Variants in PTPRU observed in about 807,000 individuals in gnomAD.
PTPRU encodes the protein receptor-type tyrosine-protein phosphatase U.
In PTPRU, 69 loss-of-function variants were observed where a neutral mutation model predicts 166.3. That is an observed-to-expected ratio of 0.41 (90% confidence interval 0.34 to 0.51). The LOEUF (loss-of-function observed/expected upper bound fraction) is 0.51, where lower values mean the gene tolerates loss of function less well. Among genes scored for constraint, PTPRU ranks in the 20% least tolerant of loss-of-function variants. The pLI, the probability that PTPRU is intolerant of heterozygous loss-of-function variation, is 0.09. For missense variants in PTPRU, 1,657 were observed against 2,013.7 expected, an observed-to-expected ratio of 0.82 and a Z score of 3.39; for synonymous variants, 793 against 814.0, an observed-to-expected ratio of 0.97 and a Z score of 0.44.
intron 18 of PTPRU, among the ~76,000 whole-genome samples, chr1:29,308,862 C>T (rs1169712690): frequency 6.6e-6 from 1 of 151,886 alleles, no homozygotes; most frequent in African/African-American, 2.4e-5. Flanking sequence ...TTTCTACAAA[C>T]AAACCAACAA....
chr1:29,241,432 G>A (rs1228228691), intron 1 of PTPRU, among the ~76,000 whole-genome samples: 1 of 152,036 alleles, frequency 6.6e-6, no homozygotes, highest in Non-Finnish European at 1.5e-5. Flanking sequence ...GGCTGGCCAG[G>A]TGCCTGAGTG....
chr1:29,301,261 G>A (rs1687119935), intron 15 of PTPRU, among the ~76,000 whole-genome samples: 1 of 152,178 alleles, frequency 6.6e-6, no homozygotes. Context: ...GTATACCATG[G>A]TGGTCCTATA....
chr1:29,316,097 G>T lies in PTPRU; in HGVS notation c.3459G>T (p.Glu1153Asp). 6.2e-7 allele frequency: 1 copy of T among 1,614,204 alleles called. No individual in the cohort carries two copies. Among genetic ancestry groups the T allele is most frequent in the Non-Finnish European group, 8.5e-7 (1 of 1,180,032 alleles). Reference protein sequence around the residue: ...PVSEFKATYKEMIRIDPQSNS... With the variant: ...PVSEFKATYKDMIRIDPQSNS... ...GTGAGTTCAAGGCCACCTACAAGGA[G>T]ATGATCCGCATTGATCCTCAGAGTA... The change falls in exon 24 of 30, where the codon GAG becomes GAT. Residue 1153 changes from glutamate to aspartate, a missense_variant. Physicochemically the swap from Glu to Asp is conservative, Grantham distance 45 (BLOSUM62 2). Around this residue, in one of 3 missense-constraint regions of PTPRU, gnomAD observed 1,190 missense variants for 1,477.4 expected, o/e 0.81. Transcript: ENST00000373779.
chr1:29,295,910 C>T (rs188705259), intron 15 of PTPRU, among the ~76,000 whole-genome samples: 53 of 152,222 alleles, frequency 3.5e-4, no homozygotes, highest in South Asian at 4.2e-4. Flanking sequence ...AGGCCAGTCT[C>T]GCACTCCTGA....
intron 18 of PTPRU, 90 bp downstream of exon 18, chr1:29,305,518 TG>T: frequency 7.5e-7 from 1 of 1,342,026 alleles, no homozygotes; most frequent in Non-Finnish European, 1.1e-6. Context: ...TCGGGATAAA[TG>T]GGGGTTCAAA....
intron 14 of PTPRU, among the ~76,000 whole-genome samples, chr1:29,286,129 A>AAG (rs765923908): frequency 6.6e-6 from 1 of 152,140 alleles, no homozygotes; most frequent in African/African-American, 2.4e-5. Context: ...AGACACCAGC[A>AAG]AGAGAGAGAG....
chr1:29,325,791 G>C lies in PTPRU; in HGVS notation c.*130G>C. On this transcript the variant is annotated 3_prime_UTR_variant, in exon 30 of 30. Transcript: ENST00000373779. ...TGGGGCAAGCACTGGAGTGGATGCT[G>C]GGCTATCTTGCTCCCCCTTCCACTG... 1 of 1,035,712 alleles carries C rather than the reference G, an allele frequency of 9.7e-7. No individual in the cohort carries two copies. Among genetic ancestry groups the C allele is most frequent in the Non-Finnish European group, 1.4e-6 (1 of 730,972 alleles). 64.2% of individuals were successfully genotyped at this position (1,035,712 alleles called of 1,614,324 possible).
intron 7 of PTPRU, among the ~76,000 whole-genome samples, chr1:29,272,935 A>AG (rs1276527786): frequency 1.3e-5 from 2 of 151,836 alleles, no homozygotes; most frequent in African/African-American, 4.8e-5. Flanking sequence ...AAAGAAAAAA[A>AG]AATGCTCCTA....
chr1:29,315,600 G>T lies in PTPRU; in HGVS notation c.3363+93G>T. On this transcript the variant is annotated intron_variant, in intron 23 of 29. Transcript: ENST00000373779. The surrounding 1 kb of genome is among the most constrained non-coding windows in gnomAD (Gnocchi z 4.5). ...GGAGCCGGCAGAGCATGCCCAAAGGGTGTCCTGAGGCTCTTGCCTTCCCTC... is the reference window on the plus strand; with the variant it reads ...GGAGCCGGCAGAGCATGCCCAAAGGTTGTCCTGAGGCTCTTGCCTTCCCTC... The T allele has an allele frequency of 6.5e-7, 1 of 1,541,684 alleles. No homozygotes were observed. Among genetic ancestry groups the T allele is most frequent in the Non-Finnish European group, 8.9e-7 (1 of 1,126,248 alleles).
rs544838472 is a variant in PTPRU, at chr1:29,258,456, C to T, written c.206-49C>T. On this transcript the variant is annotated intron_variant, in intron 2 of 29. Coordinates refer to ENST00000373779, the MANE Select transcript of PTPRU (RefSeq NM_133178.4). ...GTGCTCCCCTTGCCCTGGCCCTGTC[C>T]CTCCCCTGAGGTCTCCTCATCTCCT... is the stretch of plus-strand genomic sequence containing the variant. 16 of 1,579,004 alleles carry T rather than the reference C, an allele frequency of 1.0e-5. No individual in the cohort carries two copies. In the African/African-American group the frequency reaches 1.9e-4, roughly 19 times the overall value.
intron 28 of PTPRU, among the ~76,000 whole-genome samples, chr1:29,324,048 A>G (rs1688292296): frequency 6.6e-6 from 1 of 152,182 alleles, no homozygotes; most frequent in Non-Finnish European, 1.5e-5. Context: ...CAATTTAATT[A>G]GAGTCCTTGG....
intron 24 of PTPRU, 98 bp downstream of exon 24, chr1:29,316,249 AG>A (rs1447787610): frequency 2.1e-6 from 3 of 1,398,724 alleles, no homozygotes. Flanking sequence ...GCCAAGAAGC[AG>A]GGACCAGCCT....
At chr1:29,303,324 G>A (rs531385112) in intron 15 of PTPRU, among the ~76,000 whole-genome samples, 131 of 152,346 alleles carry the variant, frequency 8.6e-4, no homozygotes, top group Non-Finnish European at 1.6e-3. Context: ...CACTGGCTGC[G>A]GCCCCGCACA....
rs767188478 is a variant in PTPRU, at chr1:29,311,649, T to C, written c.2962T>C (p.Cys988Arg). ...TKLVEVGRVK[C>R]SRYWPEDSDT... ...CGTCCTGTGGGGCCTCTAGGTGAAA[T>C]GCTCACGGTACTGGCCGGAGGACTC... Residue 988 changes from cysteine (C) to arginine (R), a missense_variant, in exon 21 of 30, where the codon TGC (cysteine) becomes CGC (arginine). Cys to Arg is a radical substitution (Grantham distance 180). Around this residue, in one of 3 missense-constraint regions of PTPRU, gnomAD observed 1,190 missense variants for 1,477.4 expected, o/e 0.81. Transcript: ENST00000373779. This position sits in a 1 kb window ranked among gnomAD's most constrained non-coding sequence, Gnocchi z 4.1. 1 of 1,614,120 alleles carries C rather than the reference T, an allele frequency of 6.2e-7. No individual in the cohort carries two copies. Among genetic ancestry groups the C allele is most frequent in the Non-Finnish European group, 8.5e-7 (1 of 1,179,974 alleles).
chr1:29,320,746 A>G lies in PTPRU; in HGVS notation c.3749A>G (p.Asp1250Gly). The change falls in exon 26 of 30, where the codon GAC becomes GGC. Residue 1250 changes from aspartate (D) to glycine (G), a missense_variant. By Grantham distance (94) the Asp-to-Gly change is moderately conservative (BLOSUM62 -1). Transcript: ENST00000373779. This position sits in a 1 kb window ranked among gnomAD's most constrained non-coding sequence, Gnocchi z 5.2. ...CACCCGCTGCAGAGCACCACGCCCG[A>G]CTTCTGGCGGCTGGTCTACGATTAC... Reference protein sequence around the residue: ...TLHPLQSTTPDFWRLVYDYGC... With the variant: ...TLHPLQSTTPGFWRLVYDYGC... 6.2e-7 allele frequency: 1 copy of G among 1,609,102 alleles called. No individual in the cohort carries two copies. The highest frequency in any genetic ancestry group is 8.5e-7 in the Non-Finnish European group (1 of 1,176,140).
At chr1:29,305,258 T>A in intron 17 of PTPRU, 94 bp from the exon 18 acceptor site, 1 of 1,249,388 alleles carries the variant, frequency 8.0e-7, no homozygotes, top group Non-Finnish European at 1.2e-6. Flanking sequence ...CTGCCCTGCC[T>A]GTGCCCTATC....
At chr1:29,249,018 G>A (rs1481984503) in intron 1 of PTPRU, among the ~76,000 whole-genome samples, 2 of 152,180 alleles carry the variant, frequency 1.3e-5, no homozygotes, top group Non-Finnish European at 2.9e-5. Flanking sequence ...AGGATTCAGA[G>A]AGGGCAAGTC....
In PTPRU at chr1:29,305,447, C is replaced by T. The variant is rs759838394; in HGVS notation, c.2820+19C>T. 6.2e-7 allele frequency: 1 copy of T among 1,610,414 alleles called. No homozygotes were observed. The highest frequency in any genetic ancestry group is 8.5e-7 in the Non-Finnish European group (1 of 1,177,168). ...CATAGATGTGAGTGCCTTGCCCTGT[C>T]ATTTCTGCAGACCTGGCCCTGCCCG... On this transcript the variant is annotated intron_variant, in intron 18 of 29. Coordinates refer to ENST00000373779, the MANE Select transcript of PTPRU (RefSeq NM_133178.4).
Position 29,279,711 on chromosome 1 carries a change from G to A in PTPRU, c.1765+54G>A. On this transcript the variant is annotated intron_variant, in intron 10 of 29. Coordinates refer to ENST00000373779, the MANE Select transcript of PTPRU (RefSeq NM_133178.4). The surrounding 1 kb of genome is among the most constrained non-coding windows in gnomAD (Gnocchi z 5.2). Reference sequence around the variant, plus strand: ...CTTCGGAGGTGGCCCAGAATCCCAGGGTTCCATGGGCAGAAGGGAAATGGG... The same window carrying A: ...CTTCGGAGGTGGCCCAGAATCCCAGAGTTCCATGGGCAGAAGGGAAATGGG... 6.4e-7 allele frequency: 1 copy of A among 1,574,108 alleles called. No homozygotes were observed. The highest frequency in any genetic ancestry group is 8.7e-7 in the Non-Finnish European group (1 of 1,152,940).
Sources: allele counts gnomAD v4.1 joint callset (sites outside exome capture counted in the v4.1 genomes callset), GRCh38; gene constraint gnomAD v4.1.1; regional missense constraint gnomAD v4.1.1; non-coding constraint Gnocchi (gnomAD v3.1); transcripts MANE v1.5; gene names NCBI Gene and HGNC (gene_info 2026-07-23, HGNC 2026-07-21).